TKT: variants seen among roughly 807,000 people sequenced by gnomAD.
TKT encodes transketolase.
Under a neutral mutation model 63.9 loss-of-function variants are expected in TKT, and 47 were observed. The observed-to-expected ratio is 0.74, with a 90% CI of 0.58 to 0.94. The LOEUF (loss-of-function observed/expected upper bound fraction) is 0.94. TKT is among the 40% of genes least tolerant of loss of function. TKT has a pLI of 0.00. For synonymous variants in TKT, 338 were observed against 334.1 expected, an observed-to-expected ratio of 1.01 and a Z score of -0.13; for missense variants, 721 against 846.2, an observed-to-expected ratio of 0.85 and a Z score of 1.84.
In TKT at chr3:53,229,336, G is replaced by C; in HGVS notation, c.1208C>G (p.Ala403Gly). The C allele has an allele frequency of 1.2e-6, 2 of 1,613,988 alleles. No individual in the cohort carries two copies. Among genetic ancestry groups the C allele is most frequent in the South Asian group, 2.2e-5 (2 of 91,066 alleles). The change falls in exon 9 of 14, where the codon GCC (alanine) becomes GGC (glycine). Residue 403 changes from alanine to glycine, a missense_variant. By Grantham distance (60) the Ala-to-Gly change is moderately conservative. Coordinates refer to ENST00000462138, the MANE Select transcript of TKT (RefSeq NM_001064.4). Reference sequence around the variant, plus strand: ...GTTGATGTTGCTCTCGGAGATGGCGGCCATGCGAATCTGGTCAAAGGCCCG... The same window carrying C: ...GTTGATGTTGCTCTCGGAGATGGCGCCCATGCGAATCTGGTCAAAGGCCCG... ...FTRAFDQIRM[A>G]AISESNINLC...
chr3:53,248,639 A>G (rs969444782), intron 1 of TKT, among the ~76,000 whole-genome samples: 1 of 47,494 alleles, frequency 2.1e-5, no homozygotes, highest in African/African-American at 6.3e-5. Flanking sequence ...CCACCCCCCA[A>G]AAAAAAGGAA....
intron 4 of TKT, 60 bp downstream of exon 4, chr3:53,240,191 G>A: frequency 6.6e-7 from 1 of 1,517,134 alleles, no homozygotes; most frequent in Non-Finnish European, 9.1e-7. Flanking sequence ...TGAAGGGTGG[G>A]TCACCCAAGG....
intron 1 of TKT, among the ~76,000 whole-genome samples, chr3:53,247,166 G>A (rs1705546105): frequency 6.6e-6 from 1 of 151,722 alleles, no homozygotes. Flanking sequence ...AGACCAGCTT[G>A]GCCAACAAGG....
At position 53,242,273 on chromosome 3, in the gene TKT, C is replaced by A. The variant is rs1372446105; in HGVS notation, c.108-31G>T. 18 of 1,599,244 alleles carry A rather than the reference C, an allele frequency of 1.1e-5. No homozygotes were observed. In the African/African-American group the frequency reaches 1.2e-4, roughly 11 times the overall value. On this transcript the variant is annotated intron_variant, in intron 1 of 13. Transcript: ENST00000462138. Reference sequence around the variant, plus strand: ...GCCCAGGAGAGAAGACAGACACAGGCATCATGGCCCTGCACTCCTGAGCTA... The same window carrying A: ...GCCCAGGAGAGAAGACAGACACAGGAATCATGGCCCTGCACTCCTGAGCTA...
chr3:53,241,669 G>C (rs533094059), intron 2 of TKT, among the ~76,000 whole-genome samples: 83 of 151,830 alleles, frequency 5.5e-4, no homozygotes, highest in Non-Finnish European at 1.1e-3. Context: ...CCACCCAGAA[G>C]GGGGGGGTCA....
Position 53,229,290 on chromosome 3 carries a change from G to A in TKT, c.1254C>T (p.Gly418=), listed in dbSNP as rs570396609. 24 of 1,613,844 alleles carry A rather than the reference G, an allele frequency of 1.5e-5. No individual in the cohort carries two copies. Among genetic ancestry groups the A allele is most frequent in the African/African-American group, 9.3e-5 (7 of 74,892 alleles). Residue 418 remains glycine, a synonymous_variant, in exon 9 of 14, where the codon GGC becomes GGT. Coordinates refer to ENST00000462138, the MANE Select transcript of TKT (RefSeq NM_001064.4). ...SNINLCGSHC[G]VSIGEDGPSQ... ...CCTGGCTAAACTCACCGATGGAAAC[G>A]CCGCAGTGGGAGCCGCAGAGGTTGA... is the stretch of plus-strand genomic sequence containing the variant.
Position 53,225,575 on chromosome 3 carries a change from C to A in TKT, c.*181G>T. The A allele has an allele frequency of 2.9e-6, 2 of 686,098 alleles. No individual in the cohort carries two copies. Among genetic ancestry groups the A allele is most frequent in the South Asian group, 2.7e-5 (1 of 37,218 alleles). 42.5% of individuals were successfully genotyped at this position (686,098 alleles called of 1,614,324 possible). A position where few individuals can be genotyped will look rare whatever the true frequency, so the allele number is the denominator to read the frequency against. ...ACCAAGGACACCAGCCTCCCTAGCG[C>A]ACCCTCCACGCTTCTTCCCCAGAAC... On this transcript the variant is annotated 3_prime_UTR_variant, in exon 14 of 14. Coordinates refer to ENST00000462138, the MANE Select transcript of TKT (RefSeq NM_001064.4).
chr3:53,245,851 A>T (rs1166576327), intron 1 of TKT, among the ~76,000 whole-genome samples: 1 of 152,246 alleles, frequency 6.6e-6, no homozygotes, highest in Non-Finnish European at 1.5e-5. Context: ...GAACCTAAGT[A>T]ATCTTTCAAG....
chr3:53,237,392 AAAC>A (rs1553678867), intron 4 of TKT, among the ~76,000 whole-genome samples: 1 of 151,588 alleles, frequency 6.6e-6, no homozygotes, highest in Non-Finnish European at 1.5e-5. Flanking sequence ...CATCTCAAAA[AAAC>A]AAAACAAAAC....
chr3:53,228,264 C>A lies in TKT; in HGVS notation c.1479+12G>T, dbSNP rs1553676010. ...CAGCTCTGTGGGCTCCTGGGGCATG[C>A]GAGGCACTGACCTTGGCTTGTCCGA... is the stretch of plus-strand genomic sequence containing the variant. On this transcript the variant is annotated intron_variant, in intron 11 of 13. Coordinates refer to ENST00000462138, the MANE Select transcript of TKT (RefSeq NM_001064.4). The A allele has an allele frequency of 7.4e-6, 12 of 1,614,084 alleles. No homozygotes were observed. The highest frequency in any genetic ancestry group is 9.3e-6 in the Non-Finnish European group (11 of 1,179,972).
intron 1 of TKT, among the ~76,000 whole-genome samples, chr3:53,243,110 T>C (rs1186502449): frequency 6.6e-6 from 1 of 152,140 alleles, no homozygotes. Context: ...CCTTCCAGCC[T>C]GGGAGTGGTG....
intron 1 of TKT, chr3:53,243,493 G>C (rs1193052127): frequency 4.5e-6 from 2 of 446,338 alleles, no homozygotes; most frequent in Non-Finnish European, 9.0e-6. Flanking sequence ...GTCACGCTCA[G>C]TGCAGACAAG....
chr3:53,247,357 CAAA>C (rs71087068), intron 1 of TKT, among the ~76,000 whole-genome samples: 1 of 68,166 alleles, frequency 1.5e-5, no homozygotes, highest in Non-Finnish European at 2.6e-5. Context: ...AACTCAGCCT[CAAA>C]AAAAAAAAAA....
intron 6 of TKT, chr3:53,232,220 G>A: frequency 2.5e-6 from 1 of 398,154 alleles, no homozygotes; most frequent in Non-Finnish European, 4.4e-6. Context: ...GAGCCCCCAA[G>A]AAGCTGCAAG....
At position 53,240,261 on chromosome 3, in the gene TKT, C is replaced by A. The variant is rs781880154; in HGVS notation, c.427G>T (p.Asp143Tyr). Reference protein sequence around the residue: ...CGMAYTGKYFDKASYRVYCLL... With the variant: ...CGMAYTGKYFYKASYRVYCLL... ...GAGTAGGTGTGTTACCTGGCCTTGTCGAAGTATTTGCCGGTGTAGGCCATC... is the reference window on the plus strand; with the variant it reads ...GAGTAGGTGTGTTACCTGGCCTTGTAGAAGTATTTGCCGGTGTAGGCCATC... The change falls in exon 4 of 14, where the codon GAC (aspartate) becomes TAC (tyrosine). Residue 143 changes from aspartate to tyrosine, a missense_variant. Asp to Tyr is a radical substitution (Grantham distance 160). Transcript: ENST00000462138. The A allele has an allele frequency of 6.2e-7, 1 of 1,612,624 alleles. No homozygotes were observed. The highest frequency in any genetic ancestry group is 8.5e-7 in the Non-Finnish European group (1 of 1,178,928).
chr3:53,241,220 G>T lies in TKT; in HGVS notation c.251C>A (p.Ala84Glu). 6.2e-7 allele frequency: 1 copy of T among 1,601,740 alleles called. No individual in the cohort carries two copies. Among genetic ancestry groups the T allele is most frequent in the Non-Finnish European group, 8.5e-7 (1 of 1,175,478 alleles). ...SKGHAAPILY[A>E]VWAEAGFLAE... Reference sequence around the variant, plus strand: ...CAGGAAACCAGCTTCAGCCCAGACCGCGTAGAGGATGGGAGCTGCATGGCC... The same window carrying T: ...CAGGAAACCAGCTTCAGCCCAGACCTCGTAGAGGATGGGAGCTGCATGGCC... Residue 84 changes from alanine to glutamate, a missense_variant, in exon 3 of 14, where the codon GCG (alanine) becomes GAG (glutamate). Coordinates refer to ENST00000462138, the MANE Select transcript of TKT (RefSeq NM_001064.4).
At chr3:53,232,150 G>T (rs1450382149) in intron 6 of TKT, 2 of 391,700 alleles carry the variant, frequency 5.1e-6, no homozygotes, top group African/African-American at 4.1e-5. Context: ...CTAGAGTCTG[G>T]CCAGAGCCAA....
Position 53,231,353 on chromosome 3 carries a change from G to T in TKT, c.942+4C>A, listed in dbSNP as rs781947983. 3 of 1,612,766 alleles carry T rather than the reference G, an allele frequency of 1.9e-6. No individual in the cohort carries two copies. In the South Asian group the frequency reaches 3.3e-5, roughly 18 times the overall value. ...GGTTCAGAGAAACAGGCCCCACTTTGTACCTTGTCCCCAACTTTGTAGCTG... is the reference window on the plus strand; with the variant it reads ...GGTTCAGAGAAACAGGCCCCACTTTTTACCTTGTCCCCAACTTTGTAGCTG... On this transcript the variant is annotated splice_donor_region_variant and intron_variant, in intron 7 of 13. Coordinates refer to ENST00000462138, the MANE Select transcript of TKT (RefSeq NM_001064.4).
intron 3 of TKT, 80 bp from the exon 4 acceptor site, chr3:53,240,428 C>A: frequency 7.3e-7 from 1 of 1,363,176 alleles, no homozygotes; most frequent in Admixed American, 2.0e-5. Context: ...ACACTCCCAC[C>A]CAGCCCAGCA....
Sources: allele counts gnomAD v4.1 joint callset (sites outside exome capture counted in the v4.1 genomes callset), GRCh38; gene constraint gnomAD v4.1.1; transcripts MANE v1.5; gene names NCBI Gene and HGNC (gene_info 2026-07-23, HGNC 2026-07-21).